The following DCLK2 variants were observed in gnomAD, a reference collection of about 807,000 sequenced individuals.
DCLK2 encodes serine/threonine-protein kinase DCLK2.
Under a neutral mutation model 78.4 loss-of-function variants are expected in DCLK2, and 31 were observed. The ratio of observed to expected loss-of-function variants is 0.40; its 90% CI spans 0.30 to 0.53. The LOEUF is 0.53. Among genes scored for constraint, DCLK2 ranks in the 20% least tolerant of loss-of-function variants. The pLI is 0.61. For synonymous variants in DCLK2, 407 were observed against 374.9 expected (o/e 1.09, Z -0.99); for missense variants, 872 against 973.7 (o/e 0.90, Z 1.39).
At position 150,102,458 on chromosome 4, in the gene DCLK2, A is replaced by C. The variant is rs1730952707; in HGVS notation, c.422-20A>C. The C allele has an allele frequency of 6.2e-7, 1 of 1,603,564 alleles. No homozygotes were observed. The highest frequency in any genetic ancestry group is 1.1e-5 in the South Asian group (1 of 89,848). On this transcript the variant is annotated intron_variant, in intron 1 of 15. Transcript: ENST00000296550. ...ATGATAGAGATAATCATGCTAATAAAATCAAATTTTGCTTTTTAGGTGAGA... is the reference window on the plus strand; with the variant it reads ...ATGATAGAGATAATCATGCTAATAACATCAAATTTTGCTTTTTAGGTGAGA...
chr4:150,228,695 G>A (rs1741799283), intron 8 of DCLK2, among the ~76,000 whole-genome samples: 1 of 152,232 alleles, frequency 6.6e-6, no homozygotes, highest in Non-Finnish European at 1.5e-5. Context: ...AAGTATATAG[G>A]AGTTTGCCAA....
intron 2 of DCLK2, among the ~76,000 whole-genome samples, chr4:150,109,937 T>C (rs2150164822): frequency 6.6e-6 from 1 of 152,328 alleles, no homozygotes; most frequent in East Asian, 1.9e-4. Context: ...GATGAACCCC[T>C]TTTTAAAGAG....
intron 2 of DCLK2, among the ~76,000 whole-genome samples, chr4:150,118,532 CTA>C (rs1732275001): frequency 6.6e-6 from 1 of 152,050 alleles, no homozygotes; most frequent in East Asian, 1.9e-4. Context: ...TTATAATTGA[CTA>C]TTCCTATACA....
intron 2 of DCLK2, among the ~76,000 whole-genome samples, chr4:150,151,798 G>A (rs1051733650): frequency 3.9e-5 from 6 of 152,054 alleles, no homozygotes; most frequent in African/African-American, 7.2e-5. Context: ...GGTGGCAGGC[G>A]CCTGTGATCC....
At chr4:150,126,649 A>G (rs1483034394) in intron 2 of DCLK2, among the ~76,000 whole-genome samples, 1 of 152,202 alleles carries the variant, frequency 6.6e-6, no homozygotes, top group Non-Finnish European at 1.5e-5. Flanking sequence ...ATAACTTTAG[A>G]CTTACAAAAA....
chr4:150,225,190 C>T (rs991755782), intron 8 of DCLK2, among the ~76,000 whole-genome samples: 5 of 152,238 alleles, frequency 3.3e-5, no homozygotes, highest in African/African-American at 7.2e-5. Flanking sequence ...GGAAACACAT[C>T]TGCCGTTTGC....
intron 1 of DCLK2, among the ~76,000 whole-genome samples, chr4:150,082,689 A>G (rs1297245978): frequency 1.3e-5 from 2 of 152,150 alleles, no homozygotes; most frequent in East Asian, 3.8e-4. Context: ...TATTGGAAAA[A>G]TTAGTTGAGC....
intron 15 of DCLK2, chr4:150,253,939 G>C (rs1417230265): frequency 1.0e-6 from 1 of 978,022 alleles, no homozygotes; most frequent in Admixed American, 6.2e-5. Flanking sequence ...GTATCAGTAA[G>C]TGTAATCTCA....
intron 14 of DCLK2, among the ~76,000 whole-genome samples, chr4:150,248,935 A>G (rs1441562817): frequency 6.6e-6 from 1 of 152,056 alleles, no homozygotes; most frequent in African/African-American, 2.4e-5. Context: ...TGTGGGAATT[A>G]CATTTCTCCC....
chr4:150,163,636 T>G (rs540907718), intron 2 of DCLK2, among the ~76,000 whole-genome samples: 1 of 152,156 alleles, frequency 6.6e-6, no homozygotes. Flanking sequence ...TAAGATACTA[T>G]CTAGAAAATA....
intron 5 of DCLK2, among the ~76,000 whole-genome samples, chr4:150,212,374 T>G (rs2126492812): frequency 6.6e-6 from 1 of 152,336 alleles, no homozygotes; most frequent in Admixed American, 6.5e-5. Flanking sequence ...TGAACACTTC[T>G]TTTCGAAGCT....
chr4:150,173,193 A>T (rs889630370), intron 2 of DCLK2, among the ~76,000 whole-genome samples: 4 of 152,050 alleles, frequency 2.6e-5, no homozygotes, highest in Non-Finnish European at 4.4e-5. Context: ...GGGGTGAGGG[A>T]GATGGATCTG....
intron 1 of DCLK2, among the ~76,000 whole-genome samples, chr4:150,082,203 T>C (rs1163615314): frequency 2.0e-5 from 3 of 152,220 alleles, no homozygotes; most frequent in Non-Finnish European, 4.4e-5. Flanking sequence ...CAAAATTGAC[T>C]GCTTTATTTC....
At chr4:150,090,564 C>G (rs1379358412) in intron 1 of DCLK2, among the ~76,000 whole-genome samples, 1 of 152,060 alleles carries the variant, frequency 6.6e-6, no homozygotes. Context: ...TCCATCCTAC[C>G]CAGGAGATTA....
intron 1 of DCLK2, among the ~76,000 whole-genome samples, chr4:150,087,883 T>TG (rs61046371): frequency 0.14 from 21,963 of 152,134 alleles, 1,987 homozygotes; most frequent in Non-Finnish European, 0.21. Flanking sequence ...TGGCTGGCTT[T>TG]GGGGGAAAAG....
chr4:150,247,556 T>C (rs111541491), intron 12 of DCLK2, 47 bp from the exon 13 acceptor site: 5 of 1,575,964 alleles, frequency 3.2e-6, no homozygotes, highest in Non-Finnish European at 4.4e-6. Flanking sequence ...GTTGAAAAAT[T>C]CTACGGTGAC....
chr4:150,256,276 C>T lies in DCLK2; in HGVS notation c.*29C>T. 6.8e-7 allele frequency: 1 copy of T among 1,473,276 alleles called. No homozygotes were observed. Among genetic ancestry groups the T allele is most frequent in the Non-Finnish European group, 9.0e-7 (1 of 1,114,706 alleles). 91.3% of individuals were successfully genotyped at this position (1,473,276 alleles called of 1,614,324 possible). ...TCCTGCAGACGGGCGAAGCCGCCTG[C>T]TGCAGCCCAGGAAGCCAGCCCTCTG... On this transcript the variant is annotated 3_prime_UTR_variant, in exon 16 of 16. Coordinates refer to ENST00000296550, the MANE Select transcript of DCLK2 (RefSeq NM_001040260.4).
chr4:150,108,653 G>A (rs899302932), intron 2 of DCLK2, among the ~76,000 whole-genome samples: 3 of 152,212 alleles, frequency 2.0e-5, no homozygotes, highest in East Asian at 3.9e-4. Context: ...TTTTGAAAGA[G>A]TGACATTCTC....
At chr4:150,214,823 G>A (rs541451574) in intron 5 of DCLK2, among the ~76,000 whole-genome samples, 11 of 151,948 alleles carry the variant, frequency 7.2e-5, no homozygotes, top group Non-Finnish European at 1.0e-4. Flanking sequence ...TTAGCCAGGC[G>A]TGGTGGCACA....
Sources: allele counts gnomAD v4.1 joint callset (sites outside exome capture counted in the v4.1 genomes callset), GRCh38; gene constraint gnomAD v4.1.1; transcripts MANE v1.5; gene names NCBI Gene and HGNC (gene_info 2026-07-23, HGNC 2026-07-21).